SSPN: variants seen among roughly 807,000 people sequenced by gnomAD.
The protein encoded by SSPN is sarcospan.
Under a neutral mutation model 19.1 loss-of-function variants are expected in SSPN, and 15 were observed. The ratio of observed to expected loss-of-function variants is 0.78; its 90% confidence interval spans 0.52 to 1.21. SSPN has a LOEUF of 1.21. Among genes scored for constraint, SSPN ranks in the 50% most tolerant of loss-of-function variants. SSPN has a pLI of 0.00. For synonymous variants in SSPN, 147 were observed against 140.3 expected, an observed-to-expected ratio of 1.05 and a Z score of -0.34; for missense variants, 291 against 314.0, an observed-to-expected ratio of 0.93 and a Z score of 0.55.
Position 26,226,970 on chromosome 12 carries a change from T to C in SSPN, c.366+2591T>C, listed in dbSNP as rs371364195. Among the ~76,000 whole-genome samples the C allele has an allele frequency of 4.6e-5, 7 of 152,008 alleles. No individual in the cohort carries two copies. In the East Asian group the frequency reaches 5.8e-4, roughly 13 times the overall value. On this transcript the variant is annotated intron_variant, in intron 2 of 2. Transcript: ENST00000242729. ...GAGCGGAGACGCGCCCGGGCGCTGCTGTTACATAAGCGCCCGGGGCCACCG... is the reference window on the plus strand; with the variant it reads ...GAGCGGAGACGCGCCCGGGCGCTGCCGTTACATAAGCGCCCGGGGCCACCG...
chr12:26,228,604 A>T (rs762889860), intron 2 of SSPN, among the ~76,000 whole-genome samples: 2 of 151,926 alleles, frequency 1.3e-5, no homozygotes, highest in Non-Finnish European at 2.9e-5. Flanking sequence ...CCCAGAGCAA[A>T]CTGTTCCCAG....
chr12:26,202,251 T>TG (rs1300581039), intron 1 of SSPN, among the ~76,000 whole-genome samples: 3 of 152,196 alleles, frequency 2.0e-5, no homozygotes, highest in Non-Finnish European at 4.4e-5. Context: ...ATTATATTCA[T>TG]GGATATGGAA....
intron 1 of SSPN, among the ~76,000 whole-genome samples, chr12:26,169,144 T>C (rs1565676986): frequency 6.6e-6 from 1 of 152,156 alleles, no homozygotes; most frequent in Non-Finnish European, 1.5e-5. Flanking sequence ...AGTATTTCTT[T>C]ATTTCTTTAG....
intron 1 of SSPN, among the ~76,000 whole-genome samples, chr12:26,144,492 A>T (rs1364108422): frequency 6.6e-6 from 1 of 152,144 alleles, no homozygotes; most frequent in Non-Finnish European, 1.5e-5. Flanking sequence ...CGTGGTTTTC[A>T]TTCCCCCTGG....
At chr12:26,168,425 C>T (rs1311296036) in intron 1 of SSPN, among the ~76,000 whole-genome samples, 2 of 152,108 alleles carry the variant, frequency 1.3e-5, no homozygotes, top group Non-Finnish European at 2.9e-5. Flanking sequence ...GCAGGGATAA[C>T]CCCCGGTTGG....
At chr12:26,187,621 T>C (rs1329349380) in intron 1 of SSPN, among the ~76,000 whole-genome samples, 1 of 152,086 alleles carries the variant, frequency 6.6e-6, no homozygotes, top group East Asian at 1.9e-4. Context: ...CATTTGAGTA[T>C]AGTCACTTCT....
intron 1 of SSPN, among the ~76,000 whole-genome samples, chr12:26,163,949 C>G (rs1389196805): frequency 1.3e-5 from 2 of 152,182 alleles, no homozygotes; most frequent in African/African-American, 4.8e-5. Flanking sequence ...TGTCAAGAAG[C>G]TTAGAGGACA....
At chr12:26,225,626 T>C (rs1364878928) in intron 2 of SSPN, among the ~76,000 whole-genome samples, 2 of 152,056 alleles carry the variant, frequency 1.3e-5, no homozygotes, top group Non-Finnish European at 2.9e-5. Context: ...ATGCCTTCAT[T>C]TGGAAATTAT....
At chr12:26,207,706 A>G (rs973643980) in intron 1 of SSPN, among the ~76,000 whole-genome samples, 3 of 144,674 alleles carry the variant, frequency 2.1e-5, no homozygotes, top group Non-Finnish European at 4.6e-5. Flanking sequence ...TTAGGAATAT[A>G]CAACATTGGC....
intron 1 of SSPN, chr12:26,122,730 C>T: frequency 1.9e-6 from 3 of 1,591,554 alleles, no homozygotes; most frequent in Non-Finnish European, 1.7e-6. Context: ...GATGGTGACG[C>T]GGCTCGCCCC....
chr12:26,201,009 GTGTATATATATATA>G (rs1944872470), intron 1 of SSPN, among the ~76,000 whole-genome samples: 2 of 47,380 alleles, frequency 4.2e-5, no homozygotes, highest in Non-Finnish European at 8.3e-5. Flanking sequence ...AAGTTAATTT[GTGTATATATATATA>G]TATATATATA....
Position 26,231,096 on chromosome 12 carries a change from G to C in SSPN, c.*20G>C. ...ATCTAACATTCTTGCTCAAAGTTGCGAGAGAAAGTAGCACATGGAGTAGCT... is the reference window on the plus strand; with the variant it reads ...ATCTAACATTCTTGCTCAAAGTTGCCAGAGAAAGTAGCACATGGAGTAGCT... On this transcript the variant is annotated 3_prime_UTR_variant, in exon 3 of 3. Coordinates refer to ENST00000242729, the MANE Select transcript of SSPN (RefSeq NM_005086.5). The C allele has an allele frequency of 6.3e-7, 1 of 1,597,446 alleles. No individual in the cohort carries two copies. Among genetic ancestry groups the C allele is most frequent in the East Asian group, 2.2e-5 (1 of 44,582 alleles).
chr12:26,207,734 A>C (rs1450616649), intron 1 of SSPN, among the ~76,000 whole-genome samples: 1 of 152,132 alleles, frequency 6.6e-6, no homozygotes, highest in Non-Finnish European at 1.5e-5. Context: ...AGTGGCTCAC[A>C]CCTGTAATCC....
intron 1 of SSPN, among the ~76,000 whole-genome samples, chr12:26,210,785 G>A (rs1192220879): frequency 6.6e-6 from 1 of 152,042 alleles, no homozygotes; most frequent in Admixed American, 6.6e-5. Context: ...TGTTTTATAG[G>A]GAGAGAGTTT....
intron 2 of SSPN, among the ~76,000 whole-genome samples, chr12:26,226,823 G>A (rs1945181365): frequency 6.6e-6 from 1 of 152,122 alleles, no homozygotes; most frequent in Non-Finnish European, 1.5e-5. Context: ...GCAGTGCGCT[G>A]CAGAAGGGCC....
intron 1 of SSPN, among the ~76,000 whole-genome samples, chr12:26,174,505 C>T (rs113339655): frequency 4.3e-4 from 15 of 34,556 alleles, no homozygotes; most frequent in African/African-American, 8.5e-4. Flanking sequence ...CCTTCCTTCC[C>T]TTCCTTCCTT....
chr12:26,136,581 GT>G (rs1394242281), intron 1 of SSPN, among the ~76,000 whole-genome samples: 3 of 152,124 alleles, frequency 2.0e-5, no homozygotes, highest in Non-Finnish European at 2.9e-5. Context: ...GAGCTGCTTG[GT>G]TAAAATTATG....
At chr12:26,184,648 T>C (rs113197551) in intron 1 of SSPN, among the ~76,000 whole-genome samples, 3 of 152,320 alleles carry the variant, frequency 2.0e-5, no homozygotes, top group African/African-American at 4.8e-5. Context: ...CCAGAGAACT[T>C]TAGTGGTCTA....
At chr12:26,140,946 C>T (rs1001473305) in intron 1 of SSPN, among the ~76,000 whole-genome samples, 21 of 152,090 alleles carry the variant, frequency 1.4e-4, no homozygotes, top group African/African-American at 4.8e-4. Context: ...TAAAGCAGCT[C>T]CTGCCACTTT....
Sources: gnomAD v4.1 joint callset for allele counts (sites outside exome capture counted in the v4.1 genomes callset) on GRCh38, gnomAD v4.1.1 for gene constraint, MANE v1.5 for transcripts, NCBI Gene and HGNC (gene_info 2026-07-23, HGNC 2026-07-21) for gene names.